The following CSMD1 variants were observed in gnomAD, a reference collection of about 807,000 sequenced individuals.
CSMD1 encodes CUB and Sushi multiple domains 1.
In CSMD1, 213 loss-of-function variants were observed where a neutral mutation model predicts 417.5. The ratio of observed to expected loss-of-function variants is 0.51; its 90% CI spans 0.46 to 0.57. CSMD1 has a LOEUF of 0.57. Ranked by LOEUF, CSMD1 falls within the 20% of genes least tolerant of loss-of-function variation. The pLI is 0.00. For missense variants in CSMD1, 6,923 were observed against 4,529.7 expected (o/e 1.53, Z -15.17); for synonymous variants, 2,862 against 1,736.8 (o/e 1.65, Z -16.11).
At chr8:4,604,427 T>C (rs953662294) in intron 2 of CSMD1, among the ~76,000 whole-genome samples, 1 of 126,586 alleles carries the variant, frequency 7.9e-6, no homozygotes, top group African/African-American at 3.1e-5. Flanking sequence ...GCGTAAAGAC[T>C]AGGATCTCCA....
intron 1 of CSMD1, among the ~76,000 whole-genome samples, chr8:4,968,434 T>C (rs1810020299): frequency 6.6e-6 from 1 of 152,070 alleles, no homozygotes; most frequent in African/African-American, 2.4e-5. Context: ...TGGTAACCAC[T>C]ATTGAAATAG....
intron 33 of CSMD1, among the ~76,000 whole-genome samples, chr8:3,192,249 G>A (rs1248464709): frequency 6.6e-6 from 1 of 152,142 alleles, no homozygotes; most frequent in Non-Finnish European, 1.5e-5. Context: ...ATGAAATACA[G>A]AATAACGATA....
At position 3,631,749 on chromosome 8, in the gene CSMD1, A is replaced by G. The variant is rs79212980; in HGVS notation, c.1010-14952T>C. Among the ~76,000 whole-genome samples the G allele has an allele frequency of 2.1e-3, 318 of 152,362 alleles. 2 individuals are homozygous for G. Among genetic ancestry groups the G allele is most frequent in the African/African-American group, 7.4e-3 (307 of 41,588 alleles). On this transcript the variant is annotated intron_variant, in intron 7 of 69. Coordinates refer to ENST00000635120, the MANE Select transcript of CSMD1 (RefSeq NM_033225.6). Reference sequence around the variant, plus strand: ...CTCTCTGAGAATAGCATTTGATTAAATAAAGCGCTCTCAAAGGATTTATCT... The same window carrying G: ...CTCTCTGAGAATAGCATTTGATTAAGTAAAGCGCTCTCAAAGGATTTATCT...
intron 3 of CSMD1, among the ~76,000 whole-genome samples, chr8:4,057,575 T>G (rs550111806): frequency 1.1e-4 from 17 of 152,128 alleles, no homozygotes; most frequent in Admixed American, 2.0e-4. Context: ...TTGTTGCCAT[T>G]GCTTTTGGTG....
chr8:4,683,603 T>G (rs190251527), intron 1 of CSMD1, among the ~76,000 whole-genome samples: 1 of 152,170 alleles, frequency 6.6e-6, no homozygotes, highest in East Asian at 1.9e-4. Flanking sequence ...AAACCTTTCA[T>G]CAGACAGTTG....
chr8:3,098,612 G>C (rs1248449574), intron 46 of CSMD1, among the ~76,000 whole-genome samples: 1 of 152,110 alleles, frequency 6.6e-6, no homozygotes, highest in Non-Finnish European at 1.5e-5. Flanking sequence ...AAACAACTGA[G>C]TTAAAGGTCT....
At chr8:4,348,511 T>C (rs1187249030) in intron 3 of CSMD1, among the ~76,000 whole-genome samples, 1 of 151,760 alleles carries the variant, frequency 6.6e-6, no homozygotes. Context: ...ATAAGTTGTA[T>C]CTGCAAAGAT....
chr8:4,240,826 C>A (rs77436321), intron 3 of CSMD1, among the ~76,000 whole-genome samples: 1 of 151,958 alleles, frequency 6.6e-6, no homozygotes, highest in East Asian at 1.9e-4. Context: ...TATTTGGTGT[C>A]TATGTGAGGG....
chr8:4,165,341 G>A (rs965003064), intron 3 of CSMD1, among the ~76,000 whole-genome samples: 3 of 152,358 alleles, frequency 2.0e-5, no homozygotes, highest in Non-Finnish European at 4.4e-5. Context: ...AACACGTGGT[G>A]TCCCACAAAT....
At chr8:4,655,199 C>G (rs1804150942) in intron 1 of CSMD1, among the ~76,000 whole-genome samples, 1 of 151,940 alleles carries the variant, frequency 6.6e-6, no homozygotes, top group Admixed American at 6.5e-5. Context: ...TTACCTTTTT[C>G]ATGAACTTCG....
chr8:4,245,609 G>A (rs1022100747), intron 3 of CSMD1, among the ~76,000 whole-genome samples: 1 of 152,224 alleles, frequency 6.6e-6, no homozygotes, highest in South Asian at 2.1e-4. Context: ...GGTTCCTCTG[G>A]TCAACAATGT....
chr8:4,066,590 G>C (rs117641991), intron 3 of CSMD1, among the ~76,000 whole-genome samples: 2 of 152,286 alleles, frequency 1.3e-5, no homozygotes, highest in African/African-American at 4.8e-5. Flanking sequence ...TAGTTCACGT[G>C]ATTATACCCA....
intron 1 of CSMD1, among the ~76,000 whole-genome samples, chr8:4,992,387 G>C (rs566485330): frequency 6.6e-6 from 1 of 152,236 alleles, no homozygotes; most frequent in African/African-American, 2.4e-5. Flanking sequence ...CAGCCGGAGC[G>C]TGCGGAACTC....
chr8:4,799,995 G>A (rs1421805445), intron 1 of CSMD1, among the ~76,000 whole-genome samples: 1 of 152,054 alleles, frequency 6.6e-6, no homozygotes, highest in African/African-American at 2.4e-5. Context: ...CATAAGAAAA[G>A]TTTGTAAAGA....
rs551253959 is a variant in CSMD1, at chr8:4,912,549, G to T, written c.85+81783C>A. On this transcript the variant is annotated intron_variant, in intron 1 of 69. Coordinates refer to ENST00000635120, the MANE Select transcript of CSMD1 (RefSeq NM_033225.6). ...TAAGCTCGTCTCAATCCCACCTTTA[G>T]TGACTTCACTGGGGTAGTCTGAAAT... Among the ~76,000 whole-genome samples, 192 of 152,260 alleles carry T rather than the reference G, an allele frequency of 1.3e-3. 2 individuals are homozygous for T. Among genetic ancestry groups the T allele is most frequent in the African/African-American group, 4.3e-3 (180 of 41,554 alleles).
chr8:3,641,500 C>A (rs990408852), intron 7 of CSMD1, among the ~76,000 whole-genome samples: 1 of 152,186 alleles, frequency 6.6e-6, no homozygotes, highest in African/African-American at 2.4e-5. Flanking sequence ...TAAAGTATAA[C>A]TCGGTCTCTT....
intron 1 of CSMD1, among the ~76,000 whole-genome samples, chr8:4,646,112 T>C (rs1803501247): frequency 6.6e-6 from 1 of 152,240 alleles, no homozygotes; most frequent in Non-Finnish European, 1.5e-5. Flanking sequence ...TTCGAGCTTA[T>C]ATTTCAATAA....
intron 3 of CSMD1, among the ~76,000 whole-genome samples, chr8:4,246,803 T>C (rs559140275): frequency 6.6e-6 from 1 of 152,292 alleles, no homozygotes; most frequent in South Asian, 2.1e-4. Context: ...AGAAATGTAG[T>C]ATAGGACATT....
intron 3 of CSMD1, among the ~76,000 whole-genome samples, chr8:4,066,102 A>G (rs1263801197): frequency 6.6e-6 from 1 of 152,180 alleles, no homozygotes; most frequent in Non-Finnish European, 1.5e-5. Context: ...AACAGTTCTG[A>G]GCTTCCCCTC....
Sources: allele counts gnomAD v4.1 joint callset (sites outside exome capture counted in the v4.1 genomes callset), GRCh38; gene constraint gnomAD v4.1.1; transcripts MANE v1.5; gene names NCBI Gene and HGNC (gene_info 2026-07-23, HGNC 2026-07-21).